Variants in NRIP1 observed in about 807,000 individuals in gnomAD.
NRIP1 encodes the protein nuclear receptor-interacting protein 1.
In NRIP1, 28 loss-of-function variants were observed where a neutral mutation model predicts 75.0. The observed-to-expected ratio is 0.37, with a 90% CI of 0.28 to 0.51. The LOEUF (loss-of-function observed/expected upper bound fraction) is 0.51, where lower values mean the gene tolerates loss of function less well. Among genes scored for constraint, NRIP1 ranks in the 20% least tolerant of loss-of-function variants. The pLI is 0.92. For missense variants in NRIP1, 1,435 were observed against 1,343.7 expected, an observed-to-expected ratio of 1.07 and a Z score of -1.06; for synonymous variants, 526 against 487.6, an observed-to-expected ratio of 1.08 and a Z score of -1.04.
chr21:14,991,705 CATAA>C (rs1355485421), intron 3 of NRIP1, among the ~76,000 whole-genome samples: 1 of 151,948 alleles, frequency 6.6e-6, no homozygotes, highest in African/African-American at 2.4e-5. Context: ...AAATTATTTG[CATAA>C]ATAATGTCAA....
chr21:15,030,616 A>AT (rs2088621699), intron 2 of NRIP1, among the ~76,000 whole-genome samples: 1 of 152,238 alleles, frequency 6.6e-6, no homozygotes, highest in Non-Finnish European at 1.5e-5. Flanking sequence ...TAGAGTTCTA[A>AT]TAAGTTAAAT....
chr21:15,055,005 C>T (rs772366542), intron 1 of NRIP1, among the ~76,000 whole-genome samples: 1 of 152,164 alleles, frequency 6.6e-6, no homozygotes, highest in South Asian at 2.1e-4. Flanking sequence ...ACATCAGGAA[C>T]GTGGCCAGTG....
chr21:15,037,991 G>A (rs949081118), intron 2 of NRIP1, among the ~76,000 whole-genome samples: 3 of 152,000 alleles, frequency 2.0e-5, no homozygotes, highest in Non-Finnish European at 2.9e-5. Context: ...AAATGGCAGT[G>A]GAAAGACAAA....
chr21:15,061,731 TTC>T (rs1325978156), intron 1 of NRIP1, among the ~76,000 whole-genome samples: 1 of 152,204 alleles, frequency 6.6e-6, no homozygotes, highest in Non-Finnish European at 1.5e-5. Flanking sequence ...GCTTTTGAGT[TTC>T]TTACATTCTT....
intron 3 of NRIP1, among the ~76,000 whole-genome samples, chr21:14,987,184 T>G (rs778455889): frequency 6.6e-6 from 1 of 152,210 alleles, no homozygotes; most frequent in African/African-American, 2.4e-5. Context: ...CATAGGAAAG[T>G]TGGCTACTCT....
At chr21:14,981,518 C>T (rs1025379053) in intron 3 of NRIP1, among the ~76,000 whole-genome samples, 1 of 152,184 alleles carries the variant, frequency 6.6e-6, no homozygotes, top group Non-Finnish European at 1.5e-5. Context: ...TGGGGAGACT[C>T]AGGAGGCTTT....
At chr21:15,063,666 C>T (rs184350539) in intron 1 of NRIP1, among the ~76,000 whole-genome samples, 40 of 152,340 alleles carry the variant, frequency 2.6e-4, no homozygotes, top group African/African-American at 7.9e-4. Context: ...CCTTCACAAT[C>T]CCACATGTAA....
chr21:14,971,618 T>A, intron 3 of NRIP1: 1 of 152,212 alleles, frequency 6.6e-6, no homozygotes, highest in East Asian at 1.9e-4. Flanking sequence ...AATAAAAATA[T>A]CTTCTCCTCA....
chr21:15,043,936 A>G (rs2089014309), intron 1 of NRIP1, among the ~76,000 whole-genome samples: 1 of 152,150 alleles, frequency 6.6e-6, no homozygotes, highest in African/African-American at 2.4e-5. Context: ...CTCCCACCTC[A>G]GTCTCCCAAG....
At chr21:15,051,342 T>G (rs1353271813) in intron 1 of NRIP1, 1 of 159,568 alleles carries the variant, frequency 6.3e-6, no homozygotes, top group African/African-American at 2.4e-5. Context: ...AATAAAAAAT[T>G]ATTACACCTT....
At chr21:14,988,196 T>C (rs949136876) in intron 3 of NRIP1, 3 of 152,124 alleles carry the variant, frequency 2.0e-5, no homozygotes, top group African/African-American at 7.2e-5. Flanking sequence ...TTTTCAGCTG[T>C]AAAAGGAATA....
chr21:14,982,699 T>G (rs7275740), intron 3 of NRIP1, among the ~76,000 whole-genome samples: 23,463 of 95,680 alleles, frequency 0.25, 2,015 homozygotes, highest in East Asian at 0.51. Context: ...TATTGTGGGG[T>G]TTTTTTTTGT....
intron 2 of NRIP1, among the ~76,000 whole-genome samples, chr21:15,018,459 G>A (rs2088288783): frequency 6.6e-6 from 1 of 152,156 alleles, no homozygotes; most frequent in Admixed American, 6.5e-5. Context: ...AAAAGCAAAA[G>A]CTTCTCTGAG....
chr21:15,014,701 GA>G (rs1184697238), intron 2 of NRIP1, among the ~76,000 whole-genome samples: 1 of 152,036 alleles, frequency 6.6e-6, no homozygotes, highest in Admixed American at 6.5e-5. Context: ...AATAAGCTGT[GA>G]AAAAGGTTTA....
chr21:15,054,302 G>C (rs573479053), intron 1 of NRIP1, among the ~76,000 whole-genome samples: 2 of 152,278 alleles, frequency 1.3e-5, no homozygotes, highest in East Asian at 3.9e-4. Flanking sequence ...CAGCTGGCGG[G>C]TCCCTTTGAC....
intron 2 of NRIP1, among the ~76,000 whole-genome samples, chr21:15,038,703 T>G (rs1000074327): frequency 6.6e-6 from 1 of 152,136 alleles, no homozygotes; most frequent in Non-Finnish European, 1.5e-5. Context: ...TGTATTCTTA[T>G]GCTTATAACT....
At chr21:15,005,043 T>C (rs2087931995) in intron 3 of NRIP1, among the ~76,000 whole-genome samples, 1 of 152,234 alleles carries the variant, frequency 6.6e-6, no homozygotes, top group Non-Finnish European at 1.5e-5. Context: ...GAATTTGATT[T>C]ATAAATTATA....
chr21:14,994,897 A>G (rs953698934), intron 3 of NRIP1, among the ~76,000 whole-genome samples: 22 of 152,208 alleles, frequency 1.4e-4, no homozygotes, highest in African/African-American at 5.3e-4. Flanking sequence ...AGTATTCTAG[A>G]GCAAACAAAT....
At chr21:15,014,095 A>ATTTAACCTCT (rs1317550217) in intron 3 of NRIP1, among the ~76,000 whole-genome samples, 1 of 152,208 alleles carries the variant, frequency 6.6e-6, no homozygotes, top group Non-Finnish European at 1.5e-5. Flanking sequence ...CTCTTACAGC[A>ATTTAACCTCT]TTTAACCTCT....
Sources: gnomAD v4.1 joint callset for allele counts (sites outside exome capture counted in the v4.1 genomes callset) on GRCh38, gnomAD v4.1.1 for gene constraint, MANE v1.5 for transcripts, NCBI Gene and HGNC (gene_info 2026-07-23, HGNC 2026-07-21) for gene names.